Variants in GRIK1 observed in about 807,000 individuals in gnomAD.
GRIK1 encodes glutamate receptor ionotropic, kainate 1.
Under a neutral mutation model 105.7 loss-of-function variants are expected in GRIK1, and 69 were observed. The ratio of observed to expected loss-of-function variants is 0.65; its 90% confidence interval spans 0.54 to 0.80. The LOEUF (loss-of-function observed/expected upper bound fraction) is 0.80, where lower values mean the gene tolerates loss of function less well. Among genes scored for constraint, GRIK1 ranks in the 30% least tolerant of loss-of-function variants. GRIK1 has a pLI of 0.00. For missense variants in GRIK1, 1,109 were observed against 1,167.3 expected (o/e 0.95, Z 0.73); for synonymous variants, 438 against 431.3 (o/e 1.02, Z -0.19).
intron 1 of GRIK1, among the ~76,000 whole-genome samples, chr21:29,922,805 T>A (rs1432561482): frequency 2.0e-5 from 3 of 152,200 alleles, no homozygotes; most frequent in Non-Finnish European, 1.5e-5. Flanking sequence ...TGCTTCTAAA[T>A]AAGTTACTTT....
intron 7 of GRIK1, among the ~76,000 whole-genome samples, chr21:29,616,503 C>A (rs936733151): frequency 6.6e-6 from 1 of 152,172 alleles, no homozygotes; most frequent in African/African-American, 2.4e-5. Flanking sequence ...GATATTTTAG[C>A]AGAATTGCTG....
chr21:29,588,345 G>A (rs2061277625), intron 11 of GRIK1, among the ~76,000 whole-genome samples: 1 of 152,144 alleles, frequency 6.6e-6, no homozygotes, highest in Non-Finnish European at 1.5e-5. Flanking sequence ...ACCTTGAATT[G>A]TAATAATCCC....
chr21:29,938,879 T>G (rs763516163), intron 1 of GRIK1, among the ~76,000 whole-genome samples: 1 of 152,110 alleles, frequency 6.6e-6, no homozygotes, highest in Non-Finnish European at 1.5e-5. Flanking sequence ...ACTTGGAGGC[T>G]CTGGGGTAAC....
At chr21:29,879,569 G>A (rs566846137) in intron 1 of GRIK1, among the ~76,000 whole-genome samples, 1 of 152,162 alleles carries the variant, frequency 6.6e-6, no homozygotes, top group East Asian at 1.9e-4. Context: ...TGTATTTAGA[G>A]TTGGCTCCAG....
chr21:29,647,002 C>T (rs549059522), intron 6 of GRIK1, among the ~76,000 whole-genome samples: 7 of 152,206 alleles, frequency 4.6e-5, no homozygotes, highest in East Asian at 1.9e-4. Flanking sequence ...CCTGCCACCA[C>T]GCCCAGCTAA....
chr21:29,678,669 ATT>A (rs562051013), intron 3 of GRIK1, among the ~76,000 whole-genome samples: 1 of 151,918 alleles, frequency 6.6e-6, no homozygotes, highest in African/African-American at 2.4e-5. Flanking sequence ...GTAATTTATC[ATT>A]TTTTTTGATA....
intron 1 of GRIK1, among the ~76,000 whole-genome samples, chr21:29,734,176 C>A (rs2064709661): frequency 6.6e-6 from 1 of 151,892 alleles, no homozygotes. Flanking sequence ...TAAAAATGCC[C>A]CACTTCCAAG....
intron 13 of GRIK1, among the ~76,000 whole-genome samples, chr21:29,579,979 A>G (rs1479529929): frequency 1.4e-5 from 2 of 142,622 alleles, no homozygotes; most frequent in African/African-American, 2.7e-5. Flanking sequence ...ATATATATAT[A>G]TATGTGTGTA....
intron 15 of GRIK1, among the ~76,000 whole-genome samples, chr21:29,560,364 T>C (rs13050894): frequency 0.071 from 2,461 of 34,764 alleles, 123 homozygotes; most frequent in African/African-American, 0.11. Flanking sequence ...TCTTTTTCTT[T>C]CTTCCTTCCT....
intron 7 of GRIK1, among the ~76,000 whole-genome samples, chr21:29,608,327 G>A (rs527528643): frequency 7.2e-5 from 11 of 152,234 alleles, no homozygotes; most frequent in Non-Finnish European, 1.3e-4. Flanking sequence ...ATAGTGAATG[G>A]CAAAGCATGA....
intron 16 of GRIK1, among the ~76,000 whole-genome samples, chr21:29,540,050 C>G (rs775487694): frequency 2.0e-5 from 3 of 152,174 alleles, no homozygotes; most frequent in Non-Finnish European, 2.9e-5. Flanking sequence ...AGGCATGTCA[C>G]TTCATTTTAC....
At chr21:29,937,571 C>T (rs2071808109) in intron 1 of GRIK1, among the ~76,000 whole-genome samples, 1 of 152,270 alleles carries the variant, frequency 6.6e-6, no homozygotes, top group African/African-American at 2.4e-5. Flanking sequence ...GCATCCTTTT[C>T]CCTTCTCCTC....
At chr21:29,845,026 T>C (rs769563064) in intron 1 of GRIK1, among the ~76,000 whole-genome samples, 1 of 152,220 alleles carries the variant, frequency 6.6e-6, no homozygotes, top group Non-Finnish European at 1.5e-5. Context: ...AGGATATTTA[T>C]ATTATTCCTT....
chr21:29,802,234 T>C (rs978203453), intron 1 of GRIK1, among the ~76,000 whole-genome samples: 1 of 152,186 alleles, frequency 6.6e-6, no homozygotes, highest in African/African-American at 2.4e-5. Flanking sequence ...TGTCAAGCCC[T>C]GCTATTAATC....
intron 7 of GRIK1, among the ~76,000 whole-genome samples, chr21:29,624,154 C>T (rs2062068767): frequency 6.6e-6 from 1 of 152,120 alleles, no homozygotes; most frequent in Non-Finnish European, 1.5e-5. Flanking sequence ...TTGAAATTGT[C>T]CTCTAAAATA....
chr21:29,846,407 G>A (rs1601839094), intron 1 of GRIK1, among the ~76,000 whole-genome samples: 2 of 117,890 alleles, frequency 1.7e-5, no homozygotes, highest in African/African-American at 3.2e-5. Flanking sequence ...AAAGAAAGAA[G>A]AAAGAGAAAG....
chr21:29,824,520 T>C (rs2067393800), intron 1 of GRIK1, among the ~76,000 whole-genome samples: 2 of 151,984 alleles, frequency 1.3e-5, no homozygotes, highest in South Asian at 2.1e-4. Flanking sequence ...AGGTGCTTTT[T>C]AGACAGAATA....
rs150868188 is a variant in GRIK1, at chr21:29,923,292, A to T, written c.118+16091T>A. Among the ~76,000 whole-genome samples, 16 of 152,328 alleles carry T rather than the reference A, an allele frequency of 1.1e-4. No homozygotes were observed. In the East Asian group the frequency reaches 3.1e-3, roughly 29 times the overall value. On this transcript the variant is annotated intron_variant, in intron 1 of 17. Coordinates refer to ENST00000327783, the MANE Select transcript of GRIK1 (RefSeq NM_001330994.2). ...GCAAGCTTTTCTCAGGCAGCTATAAAGGAGAATTTGTACTTCTGCATAATA... is the reference window on the plus strand; with the variant it reads ...GCAAGCTTTTCTCAGGCAGCTATAATGGAGAATTTGTACTTCTGCATAATA...
At chr21:29,560,400 CCTTTCTTTCTTTCTTT>C (rs1167564962) in intron 15 of GRIK1, among the ~76,000 whole-genome samples, 1 of 67,098 alleles carries the variant, frequency 1.5e-5, no homozygotes, top group Non-Finnish European at 2.7e-5. Context: ...TTCCTTCCTT[CCTTTCTTTCTTTCTTT>C]CTTTCTTTCT....
Sources: gnomAD v4.1 joint callset for allele counts (sites outside exome capture counted in the v4.1 genomes callset) on GRCh38, gnomAD v4.1.1 for gene constraint, MANE v1.5 for transcripts, NCBI Gene and HGNC (gene_info 2026-07-23, HGNC 2026-07-21) for gene names.